F5: variants seen among roughly 807,000 people sequenced by gnomAD.
F5 encodes the protein coagulation factor V, also known as activated protein c cofactor.
F5 carries 138 observed loss-of-function variants against 216.4 expected under a neutral mutation model. That is an observed-to-expected ratio of 0.64 (90% CI 0.56 to 0.73). The LOEUF (loss-of-function observed/expected upper bound fraction) is 0.73. F5 is among the 30% of genes least tolerant of loss of function. The pLI is 0.00. For missense variants in F5, 2,403 were observed against 2,674.0 expected (o/e 0.90, Z 2.24); for synonymous variants, 916 against 930.7 (o/e 0.98, Z 0.29).
intron 19 of F5, 70 bp downstream of exon 19, chr1:169,524,767 A>T: frequency 8.0e-7 from 1 of 1,249,352 alleles, no homozygotes; most frequent in Non-Finnish European, 1.2e-6. Flanking sequence ...ATTGTCATGT[A>T]TGGTTTCATA....
intron 13 of F5, 58 bp from the exon 14 acceptor site, chr1:169,536,738 A>G: frequency 7.0e-7 from 1 of 1,424,900 alleles, no homozygotes; most frequent in South Asian, 1.2e-5. Flanking sequence ...CCCAGAATTT[A>G]GGAAATTGTC....
chr1:169,586,251 G>C lies in F5; in HGVS notation c.136C>G (p.Arg46Gly), dbSNP rs140598745. 51 of 1,614,006 alleles carry C rather than the reference G, an allele frequency of 3.2e-5. No individual in the cohort carries two copies. Among genetic ancestry groups the C allele is most frequent in the Non-Finnish European group, 7.6e-6 (9 of 1,180,036 alleles). The change falls in exon 1 of 25, where the codon CGA becomes GGA. Residue 46 changes from arginine (R) to glycine (G), a missense_variant. Coordinates refer to ENST00000367797, the MANE Select transcript of F5 (RefSeq NM_000130.5). Reference protein sequence around the residue: ...VAAQGISWSYRPEPTNSSLNL... With the variant: ...VAAQGISWSYGPEPTNSSLNL... ...TACCTTGAGTTTGTGGGCTCAGGTC[G>C]GTAGCTCCAACTGATGCCCTGAGCA...
At chr1:169,529,050 A>G in intron 16 of F5, among the ~76,000 whole-genome samples, 1 of 152,156 alleles carries the variant, frequency 6.6e-6, no homozygotes, top group South Asian at 2.1e-4. Context: ...TGAATTTCCA[A>G]ATAGGCACAC....
At chr1:169,556,054 A>C (rs991978069) in intron 6 of F5, among the ~76,000 whole-genome samples, 9 of 152,186 alleles carry the variant, frequency 5.9e-5, no homozygotes, top group African/African-American at 1.7e-4. Context: ...GTAGTAGAAC[A>C]ATCAGTTATT....
chr1:169,547,577 C>T (rs1253612897), intron 10 of F5, among the ~76,000 whole-genome samples: 1 of 152,092 alleles, frequency 6.6e-6, no homozygotes, highest in Non-Finnish European at 1.5e-5. Context: ...GGCCAAAGAG[C>T]ATATGAAAAA....
intron 10 of F5, among the ~76,000 whole-genome samples, chr1:169,549,003 A>T (rs934233925): frequency 2.0e-5 from 3 of 152,212 alleles, no homozygotes. Flanking sequence ...AATAAGTGCA[A>T]AGGATGAAAG....
In F5 at chr1:169,556,822, C is replaced by T. The variant is rs1660343222; in HGVS notation, c.776G>A (p.Gly259Glu). The change falls in exon 6 of 25, where the codon GGA (glycine) becomes GAA (glutamate). Residue 259 changes from glycine (G) to glutamate (E), a missense_variant. Physicochemically the swap from Gly to Glu is moderately conservative, Grantham distance 98. Coordinates refer to ENST00000367797, the MANE Select transcript of F5 (RefSeq NM_000130.5). ...AHDHISWHLL[G>E]MSSGPELFSI... ...GAATAATTCTGGCCCCGAGCTCATT[C>T]CCAGCAGATGCCAGCTGATGTGGTC... The T allele has an allele frequency of 6.2e-7, 1 of 1,614,062 alleles. No individual in the cohort carries two copies. Among genetic ancestry groups the T allele is most frequent in the Non-Finnish European group, 8.5e-7 (1 of 1,179,998 alleles).
In F5 at chr1:169,528,012, G is replaced by A. The variant is rs141434073; in HGVS notation, c.5502C>T (p.Gly1834=). The A allele has an allele frequency of 6.2e-5, 100 of 1,613,746 alleles. No homozygotes were observed. The African/African-American group carries it at 6.3e-4, about 10-fold the overall frequency. The change falls in exon 17 of 25, where the codon GGC becomes GGT. Residue 1834 remains glycine (G), a synonymous_variant. Coordinates refer to ENST00000367797, the MANE Select transcript of F5 (RefSeq NM_000130.5). ...EWVRLHLLNI[G]GSQDIHVVHF... ...GAACCACGTGAATGTCTTGGGAGCCGCCTATGTTCAGCAGGTGTAACCTCA... is the reference window on the plus strand; with the variant it reads ...GAACCACGTGAATGTCTTGGGAGCCACCTATGTTCAGCAGGTGTAACCTCA...
In F5 at chr1:169,550,696, G is replaced by A. The variant is rs368387623; in HGVS notation, c.1340C>T (p.Pro447Leu). ...NMASRPYSIY[P>L]HGVTFSPYED... ...ATAAGGCGAGAAGGTCACTCCATGAGGGTAAATGCTATAGGGGCGGCTGGC... is the reference window on the plus strand; with the variant it reads ...ATAAGGCGAGAAGGTCACTCCATGAAGGTAAATGCTATAGGGGCGGCTGGC... The change falls in exon 9 of 25, where the codon CCT becomes CTT. Residue 447 changes from proline (P) to leucine (L), a missense_variant. Pro to Leu is a moderately conservative substitution (Grantham distance 98). This residue lies in a region of F5 where 1,425 missense variants were observed against 1,554.8 expected (regional missense o/e 0.92). Coordinates refer to ENST00000367797, the MANE Select transcript of F5 (RefSeq NM_000130.5). 25 of 1,613,918 alleles carry A rather than the reference G, an allele frequency of 1.5e-5. No individual in the cohort carries two copies. Among genetic ancestry groups the A allele is most frequent in the African/African-American group, 2.7e-5 (2 of 74,900 alleles).
chr1:169,550,153 T>C, intron 9 of F5, 138 bp from the exon 10 acceptor site: 1 of 726,478 alleles, frequency 1.4e-6, no homozygotes. Context: ...AATTATACTT[T>C]AAGTTCTAGG....
Position 169,523,893 on chromosome 1 carries a change from G to C in F5, c.5800C>G (p.Pro1934Ala). The C allele has an allele frequency of 6.2e-7, 1 of 1,613,078 alleles. No homozygotes were observed. Among genetic ancestry groups the C allele is most frequent in the Non-Finnish European group, 8.5e-7 (1 of 1,179,418 alleles). ...KASEFLGYWE[P>A]RLARLNNGGS... ...CCATTGTTTAATCTTGCTAATCTGGGCTCCCAGTAACCTAAACTCAAGGGA... is the reference window on the plus strand; with the variant it reads ...CCATTGTTTAATCTTGCTAATCTGGCCTCCCAGTAACCTAAACTCAAGGGA... Residue 1934 changes from proline (P) to alanine (A), a missense_variant, in exon 20 of 25, where the codon CCC (proline) becomes GCC (alanine). Pro to Ala is a conservative substitution (Grantham distance 27). This residue lies in a region of F5 where 659 missense variants were observed against 787.9 expected (regional missense o/e 0.84). Coordinates refer to ENST00000367797, the MANE Select transcript of F5 (RefSeq NM_000130.5).
chr1:169,546,644 T>A (rs979998914), intron 10 of F5, 52 bp from the exon 11 acceptor site: 3 of 1,519,906 alleles, frequency 2.0e-6, no homozygotes, highest in Non-Finnish European at 2.7e-6. Flanking sequence ...CATAGACCAA[T>A]GGAACAGAAT....
chr1:169,519,085 G>T (rs1659226483), intron 22 of F5, among the ~76,000 whole-genome samples: 1 of 152,120 alleles, frequency 6.6e-6, no homozygotes, highest in Non-Finnish European at 1.5e-5. Context: ...TTTTTCCAAG[G>T]TGTAATTTGA....
chr1:169,540,414 T>A lies in F5; in HGVS notation c.4676A>T (p.Asn1559Ile), dbSNP rs201931929. The stretch of plus-strand genomic sequence containing the variant: ...AATGTTGTCAGGATCTCTGGAGGAG[T>A]TGATGTTTGTCCTAACATCAGTTTT... ...PYKTDVRTNI[N>I]SSRDPDNIAA... Residue 1559 changes from asparagine to isoleucine, a missense_variant, in exon 13 of 25, where the codon AAC becomes ATC. By Grantham distance (149) the Asn-to-Ile change is moderately radical. Around this residue, in one of 4 missense-constraint regions of F5, gnomAD observed 293 missense variants for 270.8 expected, o/e 1.08. Transcript: ENST00000367797. 9 of 1,613,818 alleles carry A rather than the reference T, an allele frequency of 5.6e-6. No individual in the cohort carries two copies. Among genetic ancestry groups the A allele is most frequent in the Middle Eastern group, 1.6e-4 (1 of 6,084 alleles).
chr1:169,555,155 C>A (rs774853269), intron 7 of F5, 27 bp downstream of exon 7: 20 of 1,613,810 alleles, frequency 1.2e-5, no homozygotes, highest in Non-Finnish European at 1.7e-5. Flanking sequence ...GAACCTTTGC[C>A]CAGTGGTATG....
chr1:169,570,869 T>G (rs1660707122), intron 3 of F5, among the ~76,000 whole-genome samples: 1 of 152,092 alleles, frequency 6.6e-6, no homozygotes, highest in Non-Finnish European at 1.5e-5. Context: ...GACAGAGACA[T>G]GATTATTATT....
intron 2 of F5, among the ~76,000 whole-genome samples, chr1:169,573,785 G>A (rs9332512): frequency 0.016 from 2,476 of 152,200 alleles, 71 homozygotes; most frequent in African/African-American, 0.057. Context: ...TGATAGGAGC[G>A]ACTGCTGAGA....
At position 169,541,709 on chromosome 1, in the gene F5, A is replaced by G; in HGVS notation, c.3381T>C (p.Tyr1127=). 6.2e-7 allele frequency: 1 copy of G among 1,614,076 alleles called. No homozygotes were observed. Among genetic ancestry groups the G allele is most frequent in the East Asian group, 2.2e-5 (1 of 44,860 alleles). Residue 1127 remains tyrosine, a synonymous_variant, in exon 13 of 25, where the codon TAT becomes TAC. Transcript: ENST00000367797. Reference sequence around the variant, plus strand: ...CAGGGTCTTGAATGGGGAATGTTTGATAGTGTTCCTCTGGGGGCACTGTCT... The same window carrying G: ...CAGGGTCTTGAATGGGGAATGTTTGGTAGTGTTCCTCTGGGGGCACTGTCT... ...LYQTVPPEEH[Y]QTFPIQDPDQ...
At chr1:169,580,352 A>G (rs1366725207) in intron 2 of F5, among the ~76,000 whole-genome samples, 2 of 151,634 alleles carry the variant, frequency 1.3e-5, no homozygotes, top group Non-Finnish European at 2.9e-5. Flanking sequence ...AGAATGTAGT[A>G]GGTTCTCAAT....
Sources: allele counts gnomAD v4.1 joint callset (sites outside exome capture counted in the v4.1 genomes callset), GRCh38; gene constraint gnomAD v4.1.1; regional missense constraint gnomAD v4.1.1; transcripts MANE v1.5; gene names NCBI Gene and HGNC (gene_info 2026-07-23, HGNC 2026-07-21).